Variants in ZYG11A observed in about 807,000 individuals in gnomAD.
ZYG11A encodes the protein zyg-11 family member A, cell cycle regulator, also known as protein zyg-11 homolog A.
A neutral mutation model predicts 77.2 loss-of-function variants in ZYG11A; 62 were observed. That is an observed-to-expected ratio of 0.80 (90% CI 0.65 to 0.99). ZYG11A has a LOEUF of 0.99. Ranked by LOEUF, ZYG11A falls within the 50% of genes least tolerant of loss-of-function variation. The pLI is 0.00. For missense variants in ZYG11A, 828 were observed against 896.8 expected (o/e 0.92, Z 0.98); for synonymous variants, 315 against 324.6 (o/e 0.97, Z 0.32).
intron 5 of ZYG11A, among the ~76,000 whole-genome samples, chr1:52,864,392 T>C (rs781208843): frequency 9.2e-5 from 14 of 151,784 alleles, no homozygotes; most frequent in Non-Finnish European, 1.6e-4. Flanking sequence ...ATTACAGGCG[T>C]GCACCACGAC....
chr1:52,847,419 C>T (rs151304359), intron 1 of ZYG11A, among the ~76,000 whole-genome samples: 4,033 of 151,320 alleles, frequency 0.027, 143 homozygotes, highest in East Asian at 0.18. Context: ...AGGCTGGTCT[C>T]GAACTGCCGA....
chr1:52,879,856 G>A lies in ZYG11A; in HGVS notation c.1750-1615G>A, dbSNP rs566505086. Among the ~76,000 whole-genome samples the A allele has an allele frequency of 4.0e-4, 61 of 150,744 alleles. 1 individual carries two copies. In the South Asian group the frequency reaches 8.4e-3, roughly 21 times the overall value. On this transcript the variant is annotated intron_variant, in intron 10 of 13. Coordinates refer to ENST00000371528, the MANE Select transcript of ZYG11A (RefSeq NM_001004339.3). Reference sequence around the variant, plus strand: ...CGGCTCACTGCAACCTCTGCCTCCCGGGTTCAAGTGATTCTCCCACTTCAG... The same window carrying A: ...CGGCTCACTGCAACCTCTGCCTCCCAGGTTCAAGTGATTCTCCCACTTCAG...
In ZYG11A at chr1:52,863,489, A is replaced by G. The variant is rs115444562; in HGVS notation, c.1150-492A>G. The stretch of plus-strand genomic sequence containing the variant: ...GACTCTGCCTAAATGTGCTCTCTCA[A>G]TGAGTTCTTCTGATTCTCTCCCAGA... On this transcript the variant is annotated intron_variant, in intron 4 of 13. Transcript: ENST00000371528. Among the ~76,000 whole-genome samples, 727 of 152,198 alleles carry G rather than the reference A, an allele frequency of 4.8e-3. 8 individuals are homozygous for G. Among genetic ancestry groups the G allele is most frequent in the African/African-American group, 0.017 (702 of 41,528 alleles).
rs894820244 is a variant in ZYG11A at position 52,867,571 on chromosome 1, T to C, written c.1424T>C (p.Leu475Pro). The change falls in exon 7 of 14, where the codon CTC (leucine) becomes CCC (proline). Residue 475 changes from leucine (L) to proline (P), a missense_variant. Physicochemically the swap from Leu to Pro is moderately conservative, Grantham distance 98 (BLOSUM62 -3). Coordinates refer to ENST00000371528, the MANE Select transcript of ZYG11A (RefSeq NM_001004339.3). The part of the protein sequence containing the change: ...FDAAKFVMRW[L>P]CKHENPKMQT... ...GCTGCCAAGTTTGTCATGAGATGGC[T>C]CTGTAAGCATGAAAACCCCAAGATG... The C allele has an allele frequency of 1.6e-5, 25 of 1,552,156 alleles. No individual in the cohort carries two copies. In the East Asian group the frequency reaches 4.6e-4, roughly 29 times the overall value.
At chr1:52,857,853 T>A (rs770950096) in intron 3 of ZYG11A, 104 bp downstream of exon 3, 73 of 969,424 alleles carry the variant, frequency 7.5e-5, no homozygotes, top group Non-Finnish European at 9.9e-5. Context: ...CAGAGACAGA[T>A]AAAAAAATCC....
At chr1:52,856,420 C>T (rs1645811286) in intron 2 of ZYG11A, among the ~76,000 whole-genome samples, 1 of 142,506 alleles carries the variant, frequency 7.0e-6, no homozygotes, top group Non-Finnish European at 1.5e-5. Flanking sequence ...GCCCCCACTG[C>T]ACTCCAGCCT....
At chr1:52,878,190 C>T (rs2150015278) in intron 10 of ZYG11A, among the ~76,000 whole-genome samples, 1 of 152,300 alleles carries the variant, frequency 6.6e-6, no homozygotes, top group South Asian at 2.1e-4. Context: ...ATTTAATTTA[C>T]TTATGAATCT....
intron 3 of ZYG11A, among the ~76,000 whole-genome samples, chr1:52,858,600 C>T (rs934036320): frequency 6.3e-5 from 9 of 142,926 alleles, no homozygotes; most frequent in East Asian, 2.2e-4. Flanking sequence ...CCACTGCGCC[C>T]GGCCCGATTA....
intron 1 of ZYG11A, among the ~76,000 whole-genome samples, chr1:52,847,295 GACCTTGTGATCCACCC>G (rs1316825845): frequency 3.7e-4 from 56 of 152,280 alleles, no homozygotes; most frequent in Non-Finnish European, 1.3e-4. Flanking sequence ...TTGAATTCCT[GACCTTGTGATCCACCC>G]ACCTTGGCCT....
chr1:52,865,631 C>T (rs985790847), intron 5 of ZYG11A, among the ~76,000 whole-genome samples: 4 of 152,102 alleles, frequency 2.6e-5, no homozygotes, highest in African/African-American at 9.7e-5. Flanking sequence ...CTACTTGGCA[C>T]ACAGAGATGA....
rs867796661 is a variant in ZYG11A at position 52,859,665 on chromosome 1, G to A, written c.1009-1066G>A. ...CTTTATTTTTATCTGTTTGTGTATT[G>A]CCTTTTTTTTTTTTTTTTTTTTTTT... On this transcript the variant is annotated intron_variant, in intron 3 of 13. Transcript: ENST00000371528. 2.8e-3 allele frequency among the ~76,000 whole-genome samples: 96 copies of A among 34,796 alleles called. 9 individuals are homozygous for A. The highest frequency in any genetic ancestry group is 5.9e-3 in the Admixed American group (26 of 4,432). 22.8% of individuals were successfully genotyped at this position (34,796 alleles called of 152,430 possible).
At chr1:52,874,766 C>T (rs901961418) in intron 8 of ZYG11A, among the ~76,000 whole-genome samples, 4 of 152,100 alleles carry the variant, frequency 2.6e-5, no homozygotes, top group African/African-American at 9.7e-5. Flanking sequence ...ACTCGGGAGG[C>T]TGAGGCAGGA....
At position 52,869,978 on chromosome 1, in the gene ZYG11A, C is replaced by G. The variant is rs1364339431; in HGVS notation, c.1542+2201C>G. Among the ~76,000 whole-genome samples the G allele has an allele frequency of 2.0e-5, 3 of 150,988 alleles. No homozygotes were observed. In the East Asian group the frequency reaches 5.9e-4, roughly 30 times the overall value. Reference sequence around the variant, plus strand: ...GCGGGGGGCTGACCCCCCCCCACCCCCCTCCCGGGCGGGGCGGCTGCCGGG... The same window carrying G: ...GCGGGGGGCTGACCCCCCCCCACCCGCCTCCCGGGCGGGGCGGCTGCCGGG... On this transcript the variant is annotated intron_variant, in intron 8 of 13. Coordinates refer to ENST00000371528, the MANE Select transcript of ZYG11A (RefSeq NM_001004339.3).
At chr1:52,863,473 TA>T (rs1379406380) in intron 4 of ZYG11A, among the ~76,000 whole-genome samples, 1 of 152,208 alleles carries the variant, frequency 6.6e-6, no homozygotes, top group African/African-American at 2.4e-5. Context: ...AGACTCTGCC[TA>T]AATGTGCTCT....
intron 13 of ZYG11A, among the ~76,000 whole-genome samples, chr1:52,890,569 A>G (rs913813929): frequency 6.6e-6 from 1 of 150,898 alleles, no homozygotes; most frequent in Non-Finnish European, 1.5e-5. Flanking sequence ...GTTGGGGTCT[A>G]CTGTCAGCCT....
Position 52,854,648 on chromosome 1 carries a change from C to G in ZYG11A, c.256+18C>G. The G allele has an allele frequency of 2.7e-6, 4 of 1,498,706 alleles. No individual in the cohort carries two copies. The highest frequency in any genetic ancestry group is 3.6e-6 in the Non-Finnish European group (4 of 1,112,844). The allele number at this position is 1,498,706 out of a possible 1,614,324, so 92.8% of individuals were successfully genotyped here. ...TTGGCAAGGTAGTGATAAGGCTTCTCTAAAGTCAGCTCTTGCAGTACTTTA... is the reference window on the plus strand; with the variant it reads ...TTGGCAAGGTAGTGATAAGGCTTCTGTAAAGTCAGCTCTTGCAGTACTTTA... On this transcript the variant is annotated intron_variant, in intron 2 of 13. Coordinates refer to ENST00000371528, the MANE Select transcript of ZYG11A (RefSeq NM_001004339.3).
At chr1:52,874,896 C>G (rs1204025999) in intron 8 of ZYG11A, among the ~76,000 whole-genome samples, 2 of 152,152 alleles carry the variant, frequency 1.3e-5, no homozygotes, top group South Asian at 4.1e-4. Flanking sequence ...GCTTTTTAGA[C>G]ATAGTGCTAT....
At chr1:52,843,937 C>T (rs941461388) in intron 1 of ZYG11A, among the ~76,000 whole-genome samples, 4 of 152,134 alleles carry the variant, frequency 2.6e-5, no homozygotes, top group Non-Finnish European at 2.9e-5. Context: ...CTACCCGCCT[C>T]GGCCTCCCAG....
At chr1:52,867,686 C>T in intron 7 of ZYG11A, 41 bp from the exon 8 acceptor site, 1 of 1,550,314 alleles carries the variant, frequency 6.5e-7, no homozygotes, top group Non-Finnish European at 8.7e-7. Flanking sequence ...AGTTTTTATA[C>T]AGGTTCCATA....
Sources: gnomAD v4.1 joint callset for allele counts (sites outside exome capture counted in the v4.1 genomes callset) on GRCh38, gnomAD v4.1.1 for gene constraint, MANE v1.5 for transcripts, NCBI Gene and HGNC (gene_info 2026-07-23, HGNC 2026-07-21) for gene names.